The following CSMD3 variants were observed in gnomAD, a reference collection of about 807,000 sequenced individuals.
CSMD3 encodes the protein CUB and Sushi multiple domains 3.
In CSMD3, 177 loss-of-function variants were observed where a neutral mutation model predicts 435.2. The ratio of observed to expected loss-of-function variants is 0.41; its 90% CI spans 0.36 to 0.46. CSMD3 has a LOEUF of 0.46. CSMD3 is among the 20% of genes least tolerant of loss of function. The pLI is 0.34. For missense variants in CSMD3, 4,265 were observed against 4,504.6 expected, an observed-to-expected ratio of 0.95 and a Z score of 1.52; for synonymous variants, 1,656 against 1,520.5, an observed-to-expected ratio of 1.09 and a Z score of -2.07.
chr8:112,713,020 A>G (rs548918096), intron 13 of CSMD3, among the ~76,000 whole-genome samples: 1 of 152,256 alleles, frequency 6.6e-6, no homozygotes, highest in Non-Finnish European at 1.5e-5. Flanking sequence ...ACAGTATGCA[A>G]ATCCAGCACC....
At chr8:113,151,916 C>T (rs2091815529) in intron 4 of CSMD3, among the ~76,000 whole-genome samples, 1 of 151,952 alleles carries the variant, frequency 6.6e-6, no homozygotes, top group Non-Finnish European at 1.5e-5. Flanking sequence ...CAGATGTGGC[C>T]AGTCTGAAGA....
chr8:112,358,925 G>A (rs1826904581), intron 38 of CSMD3, among the ~76,000 whole-genome samples: 1 of 151,766 alleles, frequency 6.6e-6, no homozygotes. Flanking sequence ...TTAAAATTAT[G>A]TTTTTTTAAA....
intron 32 of CSMD3, among the ~76,000 whole-genome samples, chr8:112,467,071 C>G (rs1818030013): frequency 6.6e-6 from 1 of 152,098 alleles, no homozygotes; most frequent in Non-Finnish European, 1.5e-5. Flanking sequence ...TTTAAAAAGC[C>G]TCTCCTACAG....
chr8:112,377,207 G>C (rs557782773), intron 38 of CSMD3, among the ~76,000 whole-genome samples: 3 of 151,892 alleles, frequency 2.0e-5, no homozygotes, highest in Admixed American at 2.0e-4. Context: ...AAAAGAATAA[G>C]AGACTACTAT....
chr8:112,714,884 A>C (rs1166952460), intron 13 of CSMD3, among the ~76,000 whole-genome samples: 1 of 152,186 alleles, frequency 6.6e-6, no homozygotes, highest in Non-Finnish European at 1.5e-5. Context: ...AATGAGAATA[A>C]AGAGACAACA....
At chr8:113,299,679 A>G (rs2093749278) in intron 2 of CSMD3, among the ~76,000 whole-genome samples, 1 of 151,756 alleles carries the variant, frequency 6.6e-6, no homozygotes, top group Admixed American at 6.6e-5. Context: ...ATCTTACACC[A>G]GTCAGAATTG....
Position 112,506,736 on chromosome 8 carries a change from G to C in CSMD3, c.4850C>G (p.Thr1617Ser), listed in dbSNP as rs2130931157. Residue 1617 changes from threonine (T) to serine (S), a missense_variant, in exon 29 of 71, where the codon ACT becomes AGT. Coordinates refer to ENST00000297405, the MANE Select transcript of CSMD3 (RefSeq NM_198123.2). ...AACATAGTCTGCATTGACGGTGATA[G>C]TCCAGTCACAGTCTCTGCTATGCGG... ...PYPHSRDCDW[T>S]ITVNADYVIS... The C allele has an allele frequency of 2.5e-6, 4 of 1,613,504 alleles. No homozygotes were observed. The highest frequency in any genetic ancestry group is 3.4e-6 in the Non-Finnish European group (4 of 1,179,476).
At chr8:112,706,990 A>G (rs1367239081) in intron 13 of CSMD3, among the ~76,000 whole-genome samples, 1 of 152,100 alleles carries the variant, frequency 6.6e-6, no homozygotes, top group African/African-American at 2.4e-5. Context: ...CTTGAATGAA[A>G]GAACAAAGTG....
At chr8:112,443,031 AATCC>A (rs1417595777) in intron 32 of CSMD3, among the ~76,000 whole-genome samples, 1 of 152,144 alleles carries the variant, frequency 6.6e-6, no homozygotes, top group Non-Finnish European at 1.5e-5. Flanking sequence ...CTAATAATAT[AATCC>A]CCTTTTTCCT....
intron 10 of CSMD3, among the ~76,000 whole-genome samples, chr8:112,913,139 TC>T (rs1335196434): frequency 6.6e-6 from 1 of 151,934 alleles, no homozygotes; most frequent in African/African-American, 2.4e-5. Context: ...TCCTTAACAA[TC>T]CCTAGTACCC....
At chr8:112,389,089 C>T (rs1269303033) in intron 36 of CSMD3, among the ~76,000 whole-genome samples, 1 of 152,104 alleles carries the variant, frequency 6.6e-6, no homozygotes, top group African/African-American at 2.4e-5. Context: ...GAAAGATGAA[C>T]CACACAATGG....
At chr8:113,162,020 G>C (rs2092050454) in intron 4 of CSMD3, among the ~76,000 whole-genome samples, 1 of 152,098 alleles carries the variant, frequency 6.6e-6, no homozygotes, top group East Asian at 1.9e-4. Context: ...GAAAGGTCAA[G>C]AAAGTGTTTT....
At chr8:112,849,356 A>G (rs2080419581) in intron 11 of CSMD3, among the ~76,000 whole-genome samples, 1 of 152,066 alleles carries the variant, frequency 6.6e-6, no homozygotes, top group African/African-American at 2.4e-5. Context: ...GGTGGTCAAA[A>G]AGCCATAAAG....
At chr8:112,627,304 C>G (rs1273580239) in intron 22 of CSMD3, among the ~76,000 whole-genome samples, 1 of 152,106 alleles carries the variant, frequency 6.6e-6, no homozygotes, top group Non-Finnish European at 1.5e-5. Context: ...AAAAAGTATG[C>G]TCTAGGTATT....
At chr8:113,033,569 A>ATTTTTTTTTTTTTT (rs1285513451) in intron 5 of CSMD3, among the ~76,000 whole-genome samples, 1 of 106,830 alleles carries the variant, frequency 9.4e-6, no homozygotes, top group African/African-American at 3.4e-5. Flanking sequence ...TTTGATTTTG[A>ATTTTTTTTTTTTTT]TTTTTTTTTT....
chr8:113,120,308 C>T (rs2090950958), intron 4 of CSMD3, among the ~76,000 whole-genome samples: 2 of 151,994 alleles, frequency 1.3e-5, no homozygotes, highest in African/African-American at 4.8e-5. Context: ...CTGTAATCCT[C>T]CCATTTGCAT....
At chr8:113,155,281 A>T (rs957762685) in intron 4 of CSMD3, among the ~76,000 whole-genome samples, 2 of 152,012 alleles carry the variant, frequency 1.3e-5, no homozygotes, top group African/African-American at 4.8e-5. Flanking sequence ...CCAGTTCCTT[A>T]ATTGTAAATA....
chr8:112,370,279 T>G (rs1420249090), intron 38 of CSMD3, among the ~76,000 whole-genome samples: 1 of 152,278 alleles, frequency 6.6e-6, no homozygotes, highest in African/African-American at 2.4e-5. Flanking sequence ...TGGAAATAAA[T>G]AATGTGCAAC....
chr8:112,508,912 A>G (rs968654741), intron 28 of CSMD3, among the ~76,000 whole-genome samples: 1 of 152,334 alleles, frequency 6.6e-6, no homozygotes, highest in East Asian at 1.9e-4. Flanking sequence ...TAACAAGTCC[A>G]ACAAAGCAGA....
Sources: gnomAD v4.1 joint callset for allele counts (sites outside exome capture counted in the v4.1 genomes callset) on GRCh38, gnomAD v4.1.1 for gene constraint, MANE v1.5 for transcripts, NCBI Gene and HGNC (gene_info 2026-07-23, HGNC 2026-07-21) for gene names.